Variants in NCAPD3 observed in about 807,000 individuals in gnomAD.
The protein encoded by NCAPD3 is non-SMC condensin II complex subunit D3, also known as condensin-2 complex subunit D3.
Under a neutral mutation model 182.9 loss-of-function variants are expected in NCAPD3, and 105 were observed. The observed-to-expected ratio is 0.57, with a 90% CI of 0.49 to 0.68. NCAPD3 has a LOEUF of 0.68. NCAPD3 is among the 30% of genes least tolerant of loss of function. The pLI is 0.00. For missense variants in NCAPD3, 1,944 were observed against 1,837.0 expected (o/e 1.06, Z -1.07); for synonymous variants, 815 against 679.9 (o/e 1.20, Z -3.09).
chr11:134,184,762 A>G lies in NCAPD3; in HGVS notation c.2336-10T>C. ...TTACACTTGACAGCATCTATGAAGG[A>G]AGTCAAAACCCCTGAAGTTCAACTG... On this transcript the variant is annotated splice_polypyrimidine_tract_variant and intron_variant, in intron 18 of 34. Coordinates refer to ENST00000534548, the MANE Select transcript of NCAPD3 (RefSeq NM_015261.3). 8.1e-6 allele frequency: 13 copies of G among 1,601,894 alleles called. No homozygotes were observed. Among genetic ancestry groups the G allele is most frequent in the Non-Finnish European group, 1.1e-5 (13 of 1,169,636 alleles).
At chr11:134,203,417 A>G (rs568175225) in intron 11 of NCAPD3, among the ~76,000 whole-genome samples, 38 of 152,370 alleles carry the variant, frequency 2.5e-4, no homozygotes, top group African/African-American at 8.4e-4. Context: ...AAAGGTAGCC[A>G]CCAATGTCAC....
chr11:134,203,281 A>T, intron 11 of NCAPD3, 83 bp from the exon 12 acceptor site: 6 of 1,017,674 alleles, frequency 5.9e-6, no homozygotes, highest in Non-Finnish European at 9.1e-6. Context: ...AAATCAAGAT[A>T]ATTAGGCTCA....
intron 16 of NCAPD3, among the ~76,000 whole-genome samples, chr11:134,192,486 C>A (rs1379797526): frequency 6.6e-6 from 1 of 152,100 alleles, no homozygotes; most frequent in African/African-American, 2.4e-5. Context: ...AAGGAAGTGA[C>A]CAAACAGGTG....
rs1238268520 is a variant in NCAPD3 at position 134,177,207 on chromosome 11, C to A, written c.3021+12G>T. ...GTGAAGGGGAAAGGACAGATTGAAC[C>A]CCCCTACGCACCTGCAAGAGATTGG... is the stretch of plus-strand genomic sequence containing the variant. On this transcript the variant is annotated intron_variant, in intron 23 of 34. Coordinates refer to ENST00000534548, the MANE Select transcript of NCAPD3 (RefSeq NM_015261.3). The A allele has an allele frequency of 5.0e-6, 8 of 1,590,080 alleles. No individual in the cohort carries two copies. The African/African-American group carries it at 9.4e-5, about 19-fold the overall frequency.
rs1469664391 is a variant in NCAPD3 at position 134,159,299 on chromosome 11, T to A, written c.3867+593A>T. 2.6e-5 allele frequency among the ~76,000 whole-genome samples: 4 copies of A among 152,326 alleles called. No individual in the cohort carries two copies. The East Asian group carries it at 7.7e-4, about 29-fold the overall frequency. Reference sequence around the variant, plus strand: ...CCAACAGTGTACAAGCCATTCCCTTTCTCCATTTTAACACTTTATTGGAAT... The same window carrying A: ...CCAACAGTGTACAAGCCATTCCCTTACTCCATTTTAACACTTTATTGGAAT... On this transcript the variant is annotated intron_variant, in intron 29 of 34. Transcript: ENST00000534548.
chr11:134,153,259 T>TATCA (rs761247502), intron 33 of NCAPD3, 30 bp downstream of exon 33: 1 of 1,613,726 alleles, frequency 6.2e-7, no homozygotes, highest in African/African-American at 1.3e-5. Context: ...GCAGTGCATC[T>TATCA]ATCAGCCCAG....
intron 19 of NCAPD3, 123 bp downstream of exon 19, chr11:134,184,514 C>A: frequency 3.1e-6 from 2 of 654,982 alleles, no homozygotes; most frequent in East Asian, 5.7e-5. Context: ...GCGGCAATAG[C>A]TGCGGGGGAC....
chr11:134,190,330 G>C (rs1041278798), intron 16 of NCAPD3, among the ~76,000 whole-genome samples: 3 of 152,096 alleles, frequency 2.0e-5, no homozygotes, highest in Non-Finnish European at 4.4e-5. Flanking sequence ...GCTTCACCTT[G>C]CTTTCAGTCA....
In NCAPD3 at chr11:134,210,391, T is replaced by C. The variant is rs753593094; in HGVS notation, c.446A>G (p.Lys149Arg). The C allele has an allele frequency of 3.1e-6, 5 of 1,614,206 alleles. No individual in the cohort carries two copies. Among genetic ancestry groups the C allele is most frequent in the Admixed American group, 1.7e-5 (1 of 60,032 alleles). The change falls in exon 4 of 35, where the codon AAG (lysine) becomes AGG (arginine). Residue 149 changes from lysine to arginine, a missense_variant. Transcript: ENST00000534548. Reference sequence around the variant, plus strand: ...CAAGTTAGATTCCTGGGGCCAGCTCTTCTTTAGAGTCTGAATGCATTTGTC... The same window carrying C: ...CAAGTTAGATTCCTGGGGCCAGCTCCTCTTTAGAGTCTGAATGCATTTGTC... ...MFDKCIQTLK[K>R]SWPQESNLNR...
intron 16 of NCAPD3, among the ~76,000 whole-genome samples, chr11:134,186,684 C>A (rs1361022767): frequency 6.6e-6 from 1 of 152,050 alleles, no homozygotes; most frequent in Admixed American, 6.5e-5. Context: ...ACATACATAC[C>A]CACACGCGAA....
At chr11:134,215,194 C>T (rs1245390519) in intron 3 of NCAPD3, among the ~76,000 whole-genome samples, 1 of 151,966 alleles carries the variant, frequency 6.6e-6, no homozygotes, top group Non-Finnish European at 1.5e-5. Context: ...TTAATAAGGG[C>T]CATCCTGAGA....
In NCAPD3 at chr11:134,156,003, CAT is replaced by C. The variant is rs536469503; in HGVS notation, c.4252+1013_4252+1014del. 1.2e-3 allele frequency among the ~76,000 whole-genome samples: 189 copies of C among 152,346 alleles called. 1 individual carries two copies. Among genetic ancestry groups the C allele is most frequent in the East Asian group, 3.3e-3 (17 of 5,184 alleles). On this transcript the variant is annotated intron_variant, in intron 32 of 34. Coordinates refer to ENST00000534548, the MANE Select transcript of NCAPD3 (RefSeq NM_015261.3). ...TAGAATACAGCAGGTGCTCCACACA[CAT>C]GAGCTGACTGAAGCAGTGACTAAAC...
intron 27 of NCAPD3, among the ~76,000 whole-genome samples, chr11:134,164,074 G>A (rs1299937429): frequency 6.6e-6 from 1 of 152,100 alleles, no homozygotes; most frequent in Non-Finnish European, 1.5e-5. Flanking sequence ...TATGATCAGA[G>A]TCTATATCCT....
At chr11:134,169,943 T>A (rs1943966361) in intron 24 of NCAPD3, among the ~76,000 whole-genome samples, 1 of 152,106 alleles carries the variant, frequency 6.6e-6, no homozygotes, top group Non-Finnish European at 1.5e-5. Flanking sequence ...ACCAGTCAGC[T>A]CTCCTTGGGA....
intron 24 of NCAPD3, among the ~76,000 whole-genome samples, chr11:134,172,427 T>C (rs2135966418): frequency 6.6e-6 from 1 of 152,284 alleles, no homozygotes; most frequent in Middle Eastern, 3.4e-3. Flanking sequence ...CCTCACCCCA[T>C]TCCGATTGTT....
At chr11:134,211,734 G>A (rs1937839917) in intron 3 of NCAPD3, among the ~76,000 whole-genome samples, 1 of 152,048 alleles carries the variant, frequency 6.6e-6, no homozygotes, top group Non-Finnish European at 1.5e-5. Flanking sequence ...GAACTTCCTT[G>A]ATCTGAAAAA....
At chr11:134,185,030 G>T in intron 17 of NCAPD3, 30 bp from the exon 18 acceptor site, 1 of 1,522,360 alleles carries the variant, frequency 6.6e-7, no homozygotes, top group African/African-American at 1.4e-5. Context: ...AATATGAAGG[G>T]AGAAGCAAGT....
At chr11:134,181,306 G>T in intron 19 of NCAPD3, 122 bp from the exon 20 acceptor site, 1 of 629,476 alleles carries the variant, frequency 1.6e-6, no homozygotes, top group Non-Finnish European at 2.7e-6. Flanking sequence ...GTGCTTCCTA[G>T]CTTTCCTCTT....
intron 24 of NCAPD3, among the ~76,000 whole-genome samples, chr11:134,174,744 A>C (rs1944118656): frequency 6.6e-6 from 1 of 152,206 alleles, no homozygotes; most frequent in Non-Finnish European, 1.5e-5. Context: ...AAAGTTCCTG[A>C]CACAAAGAAA....
Sources: gnomAD v4.1 joint callset for allele counts (sites outside exome capture counted in the v4.1 genomes callset) on GRCh38, gnomAD v4.1.1 for gene constraint, MANE v1.5 for transcripts, NCBI Gene and HGNC (gene_info 2026-07-23, HGNC 2026-07-21) for gene names.